The following ARMH3 variants were observed in gnomAD, a reference collection of about 807,000 sequenced individuals.
The protein encoded by ARMH3 is armadillo-like helical domain-containing protein 3.
Under a neutral mutation model 99.1 loss-of-function variants are expected in ARMH3, and 60 were observed. The observed-to-expected ratio is 0.61, with a 90% CI of 0.49 to 0.75. The LOEUF (loss-of-function observed/expected upper bound fraction) is 0.75. ARMH3 is among the 30% of genes least tolerant of loss of function. ARMH3 has a pLI of 0.00. For missense variants in ARMH3, 679 were observed against 843.1 expected (o/e 0.81, Z 2.41); for synonymous variants, 285 against 292.8 (o/e 0.97, Z 0.27).
chr10:101,946,574 G>T (rs1285266105), intron 22 of ARMH3, among the ~76,000 whole-genome samples: 1 of 152,156 alleles, frequency 6.6e-6, no homozygotes, highest in African/African-American at 2.4e-5. Context: ...ACTGACAAAG[G>T]AGTCAGTGAA....
intron 1 of ARMH3, among the ~76,000 whole-genome samples, chr10:102,045,306 A>G (rs1436101796): frequency 6.6e-6 from 1 of 152,132 alleles, no homozygotes; most frequent in Non-Finnish European, 1.5e-5. Flanking sequence ...CTCTCACAGA[A>G]TTTTCATTCC....
intron 23 of ARMH3, among the ~76,000 whole-genome samples, chr10:101,910,394 C>T (rs1842813674): frequency 6.6e-6 from 1 of 152,156 alleles, no homozygotes; most frequent in African/African-American, 2.4e-5. Context: ...TATTTGCCAC[C>T]ATTTACCATA....
chr10:101,972,647 G>T (rs1366121746), intron 20 of ARMH3, among the ~76,000 whole-genome samples: 1 of 152,176 alleles, frequency 6.6e-6, no homozygotes, highest in Admixed American at 6.5e-5. Context: ...AGGATGCAAC[G>T]TTGTGTTTTG....
chr10:101,957,229 C>G (rs1394307322), intron 21 of ARMH3, among the ~76,000 whole-genome samples: 1 of 152,158 alleles, frequency 6.6e-6, no homozygotes, highest in Admixed American at 6.5e-5. Flanking sequence ...TCAAAATGCA[C>G]AATGGCCTCC....
Position 102,029,308 on chromosome 10 carries a change from T to C in ARMH3, c.414+330A>G, listed in dbSNP as rs189234122. The C allele has an allele frequency of 1.7e-4, 147 of 850,456 alleles. No homozygotes were observed. In the African/African-American group the frequency reaches 2.2e-3, roughly 12 times the overall value. 52.7% of individuals were successfully genotyped at this position (850,456 alleles called of 1,614,324 possible). ...AATTGTGTTAAATAAGCTTAAAGTTTAGAATTAAAGTTACCCTTGTATGTT... is the reference window on the plus strand; with the variant it reads ...AATTGTGTTAAATAAGCTTAAAGTTCAGAATTAAAGTTACCCTTGTATGTT... On this transcript the variant is annotated intron_variant, in intron 5 of 25. Coordinates refer to ENST00000370033, the MANE Select transcript of ARMH3 (RefSeq NM_024541.3).
rs534250725 is a variant in ARMH3, at chr10:102,038,771, T to A, written c.102+1242A>T. ...TTTTTCTTTTTTTTGAGATAGGGTC[T>A]CACTCTTGCCCAAGCTAGAATGCAG... On this transcript the variant is annotated intron_variant, in intron 2 of 25. Transcript: ENST00000370033. Among the ~76,000 whole-genome samples, 44 of 151,942 alleles carry A rather than the reference T, an allele frequency of 2.9e-4. 2 individuals are homozygous for A. The South Asian group carries it at 9.1e-3, about 32-fold the overall frequency.
At chr10:101,905,975 T>A (rs1466846115) in intron 23 of ARMH3, among the ~76,000 whole-genome samples, 1 of 152,250 alleles carries the variant, frequency 6.6e-6, no homozygotes, top group Admixed American at 6.5e-5. Context: ...AATACAAACG[T>A]GTCTCTAAAT....
intron 23 of ARMH3, among the ~76,000 whole-genome samples, chr10:101,911,685 C>T (rs1031834654): frequency 6.6e-6 from 1 of 152,192 alleles, no homozygotes; most frequent in African/African-American, 2.4e-5. Context: ...GAACCATGAT[C>T]ACATCACTGC....
chr10:101,854,291 A>G (rs1589907132), intron 24 of ARMH3, among the ~76,000 whole-genome samples: 1 of 152,188 alleles, frequency 6.6e-6, no homozygotes, highest in South Asian at 2.1e-4. Context: ...CATGGGAATA[A>G]AAGTTTTTAA....
intron 1 of ARMH3, among the ~76,000 whole-genome samples, chr10:102,055,188 G>A (rs775937620): frequency 8.6e-5 from 13 of 151,966 alleles, no homozygotes; most frequent in Middle Eastern, 3.4e-3. Context: ...GGGCGTGGTA[G>A]CGCAAGGCTG....
At chr10:101,876,247 C>CAAA (rs34928343) in intron 24 of ARMH3, among the ~76,000 whole-genome samples, 1,154 of 82,978 alleles carry the variant, frequency 0.014, 58 homozygotes, top group African/African-American at 0.036. Flanking sequence ...GGCTCCATCT[C>CAAA]AAAAAAAAAA....
chr10:101,962,868 C>T (rs1845357739), intron 20 of ARMH3, among the ~76,000 whole-genome samples: 1 of 152,048 alleles, frequency 6.6e-6, no homozygotes, highest in Non-Finnish European at 1.5e-5. Flanking sequence ...CTATATTTGC[C>T]ACCAAAAACC....
chr10:102,027,976 A>G, intron 5 of ARMH3, among the ~76,000 whole-genome samples: 1 of 151,762 alleles, frequency 6.6e-6, no homozygotes, highest in Non-Finnish European at 1.5e-5. Context: ...TCAGAATACG[A>G]AAAGAACTCT....
chr10:102,016,628 T>G (rs1047791458), intron 8 of ARMH3, among the ~76,000 whole-genome samples: 15 of 152,328 alleles, frequency 9.8e-5, no homozygotes, highest in Middle Eastern at 3.4e-3. Context: ...CTGAGTCACT[T>G]CATCTCAGGA....
At chr10:102,023,327 A>C (rs1465289831) in intron 8 of ARMH3, 150 bp downstream of exon 8, 1 of 706,224 alleles carries the variant, frequency 1.4e-6, no homozygotes. Flanking sequence ...CCATGCATTT[A>C]ATATAGGATT....
At chr10:101,854,069 C>T (rs1207963763) in intron 24 of ARMH3, among the ~76,000 whole-genome samples, 1 of 152,142 alleles carries the variant, frequency 6.6e-6, no homozygotes, top group Non-Finnish European at 1.5e-5. Flanking sequence ...GCCGAGATCA[C>T]ACCACTGCAC....
At chr10:101,967,891 G>C (rs1467105241) in intron 20 of ARMH3, among the ~76,000 whole-genome samples, 2 of 152,116 alleles carry the variant, frequency 1.3e-5, no homozygotes, top group East Asian at 3.9e-4. Context: ...CTCTCCAGGT[G>C]AACACAGCAC....
intron 19 of ARMH3, among the ~76,000 whole-genome samples, chr10:101,986,893 T>C (rs1211050146): frequency 6.6e-6 from 1 of 152,142 alleles, no homozygotes; most frequent in Non-Finnish European, 1.5e-5. Flanking sequence ...ACTTGATGCC[T>C]CGTTATCTTC....
At chr10:102,032,782 TTCTG>T (rs766650316) in intron 4 of ARMH3, among the ~76,000 whole-genome samples, 69 of 152,304 alleles carry the variant, frequency 4.5e-4, no homozygotes, top group African/African-American at 1.4e-3. Context: ...AAAACAAGAA[TTCTG>T]TCTAAGAATC....
Sources: gnomAD v4.1 joint callset for allele counts (sites outside exome capture counted in the v4.1 genomes callset) on GRCh38, gnomAD v4.1.1 for gene constraint, MANE v1.5 for transcripts, NCBI Gene and HGNC (gene_info 2026-07-23, HGNC 2026-07-21) for gene names.